Variants in MYH10 observed in about 807,000 individuals in gnomAD.
MYH10 encodes the protein myosin heavy chain 10.
In MYH10, 55 loss-of-function variants were observed where a neutral mutation model predicts 257.8. The observed-to-expected ratio is 0.21, with a 90% CI of 0.17 to 0.27. The LOEUF (loss-of-function observed/expected upper bound fraction) is 0.27. Among genes scored for constraint, MYH10 ranks in the 10% least tolerant of loss-of-function variants. The pLI is 1.00. For missense variants in MYH10, 1,631 were observed against 2,500.6 expected (o/e 0.65, Z 7.42); for synonymous variants, 854 against 921.7 (o/e 0.93, Z 1.33).
intron 24 of MYH10, among the ~76,000 whole-genome samples, chr17:8,510,591 A>G (rs2081236861): frequency 6.6e-6 from 1 of 152,240 alleles, no homozygotes; most frequent in Non-Finnish European, 1.5e-5. Context: ...AAATGTTGGC[A>G]CATTTGTTAA....
chr17:8,589,180 T>C (rs1254432085), intron 3 of MYH10, 72 bp from the exon 4 acceptor site: 2 of 1,520,854 alleles, frequency 1.3e-6, no homozygotes, highest in Non-Finnish European at 1.8e-6. Context: ...TTTGATATAA[T>C]AAAGTTGCAG....
intron 12 of MYH10, among the ~76,000 whole-genome samples, chr17:8,546,086 T>C (rs1381057762): frequency 6.6e-6 from 1 of 151,462 alleles, no homozygotes; most frequent in Non-Finnish European, 1.5e-5. Context: ...TGATACGGAG[T>C]CTCGTTCTGT....
At chr17:8,534,616 C>T (rs2082091112) in intron 16 of MYH10, among the ~76,000 whole-genome samples, 1 of 152,214 alleles carries the variant, frequency 6.6e-6, no homozygotes, top group South Asian at 2.1e-4. Flanking sequence ...TAAGATGCTA[C>T]AGAGAAAGCA....
rs931347016 is a variant in MYH10 at position 8,552,320 on chromosome 17, T to C, written c.821-176A>G. ...GTCTTCCATCTGTGAAAAAAGAAAATAGGTGCAACTTACGTTCCTCACTGA... is the reference window on the plus strand; with the variant it reads ...GTCTTCCATCTGTGAAAAAAGAAAACAGGTGCAACTTACGTTCCTCACTGA... On this transcript the variant is annotated intron_variant, in intron 8 of 42. Coordinates refer to ENST00000360416, the MANE Select transcript of MYH10 (RefSeq NM_001256012.3). The surrounding 1 kb of genome is among the most constrained non-coding windows in gnomAD (Gnocchi z 4.8). Among the ~76,000 whole-genome samples the C allele has an allele frequency of 6.6e-6, 1 of 152,066 alleles. No homozygotes were observed. The highest frequency in any genetic ancestry group is 2.4e-5 in the African/African-American group (1 of 41,382).
chr17:8,552,183 A>T lies in MYH10; in HGVS notation c.821-39T>A. The T allele has an allele frequency of 9.1e-7, 1 of 1,098,822 alleles. No homozygotes were observed. The highest frequency in any genetic ancestry group is 1.3e-6 in the Non-Finnish European group (1 of 798,112). 68.1% of individuals were successfully genotyped at this position (1,098,822 alleles called of 1,614,324 possible). A position where few individuals can be genotyped will look rare whatever the true frequency, so the allele number is the denominator to read the frequency against. The stretch of plus-strand genomic sequence containing the variant: ...GTTAAGAATTAAATTATTTAATATA[A>T]TTCTTAAATAAATAAAGGCCCTCTT... On this transcript the variant is annotated intron_variant, in intron 8 of 42. Transcript: ENST00000360416. This position sits in a 1 kb window ranked among gnomAD's most constrained non-coding sequence, Gnocchi z 4.8.
rs528363458 is a variant in MYH10, at chr17:8,580,898, T to G, written c.531-3560A>C. ...TAGATTATAAGGATATAAGGAATGCTGCAAAAGACACTAAAAGGAAAAAGA... is the reference window on the plus strand; with the variant it reads ...TAGATTATAAGGATATAAGGAATGCGGCAAAAGACACTAAAAGGAAAAAGA... On this transcript the variant is annotated intron_variant, in intron 4 of 42. Coordinates refer to ENST00000360416, the MANE Select transcript of MYH10 (RefSeq NM_001256012.3). 3.9e-5 allele frequency among the ~76,000 whole-genome samples: 6 copies of G among 152,216 alleles called. No homozygotes were observed. In the South Asian group the frequency reaches 1.2e-3, roughly 32 times the overall value.
chr17:8,586,872 T>A (rs889972218), intron 4 of MYH10, among the ~76,000 whole-genome samples: 3 of 152,164 alleles, frequency 2.0e-5, no homozygotes, highest in African/African-American at 7.2e-5. Flanking sequence ...CACCTGGTTT[T>A]GTTTGTATTC....
chr17:8,504,555 C>A lies in MYH10; in HGVS notation c.3599+139G>T. The A allele has an allele frequency of 1.4e-6, 1 of 727,192 alleles. No homozygotes were observed. Among genetic ancestry groups the A allele is most frequent in the African/African-American group, 1.8e-5 (1 of 56,356 alleles). 45.0% of individuals were successfully genotyped at this position (727,192 alleles called of 1,614,324 possible). ...AGGCTGGTCTGTTTCTAACCATTAC[C>A]ATTTAATCACCGTTCCACCTGCCAT... is the stretch of plus-strand genomic sequence containing the variant. On this transcript the variant is annotated intron_variant, in intron 28 of 42. Transcript: ENST00000360416. This position sits in a 1 kb window ranked among gnomAD's most constrained non-coding sequence, Gnocchi z 5.6.
intron 11 of MYH10, among the ~76,000 whole-genome samples, chr17:8,547,536 T>C (rs762538511): frequency 5.3e-5 from 8 of 151,760 alleles, no homozygotes; most frequent in Non-Finnish European, 1.0e-4. Context: ...AAGCCTCAAA[T>C]TGGTTATAAA....
At chr17:8,607,652 G>A (rs1488309504) in intron 2 of MYH10, among the ~76,000 whole-genome samples, 1 of 152,178 alleles carries the variant, frequency 6.6e-6, no homozygotes, top group Non-Finnish European at 1.5e-5. Context: ...ACACATGGTA[G>A]GAAGGCAATA....
chr17:8,622,039 G>A (rs1389533731), intron 2 of MYH10, among the ~76,000 whole-genome samples: 1 of 152,144 alleles, frequency 6.6e-6, no homozygotes. Context: ...ATTTACTGAA[G>A]TTTTGAATTA....
intron 7 of MYH10, among the ~76,000 whole-genome samples, chr17:8,558,282 G>C (rs190727434): frequency 6.6e-6 from 1 of 152,118 alleles, no homozygotes; most frequent in Non-Finnish European, 1.5e-5. Context: ...CACTGAGGCT[G>C]TGCTTTTTCA....
At chr17:8,598,900 G>T (rs967684113) in intron 3 of MYH10, among the ~76,000 whole-genome samples, 1 of 151,806 alleles carries the variant, frequency 6.6e-6, no homozygotes, top group Non-Finnish European at 1.5e-5. Flanking sequence ...AGAGCTGGGG[G>T]TTCACCATGT....
intron 19 of MYH10, among the ~76,000 whole-genome samples, chr17:8,519,359 G>A (rs991702547): frequency 1.3e-5 from 2 of 152,168 alleles, no homozygotes; most frequent in African/African-American, 2.4e-5. Context: ...TAAGAGCTGT[G>A]TTCATAGGCT....
At chr17:8,550,860 G>A (rs2082618039) in intron 9 of MYH10, among the ~76,000 whole-genome samples, 1 of 151,996 alleles carries the variant, frequency 6.6e-6, no homozygotes, top group African/African-American at 2.4e-5. Flanking sequence ...TGTGCTCTCT[G>A]AAACATGTAC....
At chr17:8,591,021 C>A (rs534844792) in intron 3 of MYH10, among the ~76,000 whole-genome samples, 40 of 151,582 alleles carry the variant, frequency 2.6e-4, no homozygotes, top group Admixed American at 4.6e-4. Context: ...TACAGGCGCC[C>A]GCCACCACGC....
At chr17:8,478,245 G>A (rs1222068249) in intron 41 of MYH10, 93 bp downstream of exon 41, 5 of 1,066,484 alleles carry the variant, frequency 4.7e-6, no homozygotes, top group Non-Finnish European at 7.1e-6. Flanking sequence ...GAATCGGGAG[G>A]GCCCTGAATT....
intron 17 of MYH10, among the ~76,000 whole-genome samples, chr17:8,526,717 C>T (rs571210060): frequency 2.0e-5 from 3 of 152,036 alleles, no homozygotes; most frequent in African/African-American, 7.2e-5. Context: ...CGCTTGGTAC[C>T]GAATCCTTAA....
intron 26 of MYH10, among the ~76,000 whole-genome samples, chr17:8,507,417 A>G (rs1428187200): frequency 1.3e-5 from 2 of 152,030 alleles, no homozygotes; most frequent in African/African-American, 4.8e-5. Context: ...GCTCTTTCCA[A>G]CTTCCATCCT....
Sources: allele counts gnomAD v4.1 joint callset (sites outside exome capture counted in the v4.1 genomes callset), GRCh38; gene constraint gnomAD v4.1.1; non-coding constraint Gnocchi (gnomAD v3.1); transcripts MANE v1.5; gene names NCBI Gene and HGNC (gene_info 2026-07-23, HGNC 2026-07-21).